DDR2: variants seen among roughly 807,000 people sequenced by gnomAD.
DDR2 encodes discoidin domain-containing receptor 2.
DDR2 carries 27 observed loss-of-function variants against 94.9 expected under a neutral mutation model. That is an observed-to-expected ratio of 0.28 (90% confidence interval 0.21 to 0.39). The LOEUF is 0.39. DDR2 is among the 10% of genes least tolerant of loss of function. The pLI is 1.00. For missense variants in DDR2, 783 were observed against 1,076.0 expected (o/e 0.73, Z 3.81); for synonymous variants, 382 against 377.2 (o/e 1.01, Z -0.15).
At chr1:162,720,085 T>C (rs1366307668) in intron 3 of DDR2, among the ~76,000 whole-genome samples, 1 of 151,992 alleles carries the variant, frequency 6.6e-6, no homozygotes, top group Non-Finnish European at 1.5e-5. Flanking sequence ...AGAGTCAGAG[T>C]GGGAGAGCAC....
chr1:162,670,112 T>G (rs1347791559), intron 2 of DDR2, among the ~76,000 whole-genome samples: 3 of 152,200 alleles, frequency 2.0e-5, no homozygotes, highest in Non-Finnish European at 4.4e-5. Flanking sequence ...ATTTGTTTTG[T>G]TTGTTTGTTT....
chr1:162,633,383 C>T (rs1656653560), intron 1 of DDR2, among the ~76,000 whole-genome samples: 1 of 152,152 alleles, frequency 6.6e-6, no homozygotes, highest in African/African-American at 2.4e-5. Context: ...CCATTTGAGG[C>T]AAGAGTTCGT....
intron 1 of DDR2, among the ~76,000 whole-genome samples, chr1:162,635,903 C>A (rs988077762): frequency 6.6e-6 from 1 of 152,122 alleles, no homozygotes; most frequent in Non-Finnish European, 1.5e-5. Flanking sequence ...CAATTTTATT[C>A]CATTTGATTT....
At chr1:162,658,392 G>A (rs1043968778) in intron 2 of DDR2, among the ~76,000 whole-genome samples, 1 of 152,136 alleles carries the variant, frequency 6.6e-6, no homozygotes, top group South Asian at 2.1e-4. Flanking sequence ...CATAAACCTC[G>A]ATGTCTGAAA....
rs1659711021 is a variant in DDR2, at chr1:162,686,790, C to T, written c.-28+31416C>T. On this transcript the variant is annotated intron_variant, in intron 2 of 17. Transcript: ENST00000367921. ...ATGGGGTTTTGCCATATTGGCCAGG[C>T]TGGTCTTGAACTCCTAACCTCAGGT... Among the ~76,000 whole-genome samples, 6 of 152,208 alleles carry T rather than the reference C, an allele frequency of 3.9e-5. No homozygotes were observed. The South Asian group carries it at 1.2e-3, about 31-fold the overall frequency.
At chr1:162,640,878 C>T (rs1657097919) in intron 1 of DDR2, among the ~76,000 whole-genome samples, 1 of 150,674 alleles carries the variant, frequency 6.6e-6, no homozygotes, top group African/African-American at 2.4e-5. Context: ...CCACCTCAGC[C>T]CCTCGACTAG....
At chr1:162,736,965 T>C (rs879409510) in intron 3 of DDR2, among the ~76,000 whole-genome samples, 1 of 152,238 alleles carries the variant, frequency 6.6e-6, no homozygotes, top group Non-Finnish European at 1.5e-5. Flanking sequence ...TGATTCCATG[T>C]CTTCACTATT....
At chr1:162,767,699 C>A (rs1054882328) in intron 11 of DDR2, among the ~76,000 whole-genome samples, 1 of 152,060 alleles carries the variant, frequency 6.6e-6, no homozygotes, top group African/African-American at 2.4e-5. Flanking sequence ...TTAACAAGTG[C>A]TTCTGATGCA....
chr1:162,653,045 C>T (rs1250763957), intron 1 of DDR2, among the ~76,000 whole-genome samples: 1 of 152,120 alleles, frequency 6.6e-6, no homozygotes, highest in Non-Finnish European at 1.5e-5. Flanking sequence ...GTGGAGGTTG[C>T]AGTGAGCCAT....
intron 1 of DDR2, among the ~76,000 whole-genome samples, chr1:162,648,372 C>T (rs1047114538): frequency 2.0e-5 from 3 of 152,074 alleles, no homozygotes; most frequent in African/African-American, 7.2e-5. Flanking sequence ...ACAGTGAGGA[C>T]AGGAGCCTAG....
chr1:162,754,178 A>G (rs372815174), intron 4 of DDR2, among the ~76,000 whole-genome samples: 4 of 152,012 alleles, frequency 2.6e-5, no homozygotes, highest in South Asian at 2.1e-4. Context: ...TGCAATGCCC[A>G]TCCTGCTGCA....
At chr1:162,763,490 C>T (rs947055872) in intron 9 of DDR2, among the ~76,000 whole-genome samples, 2 of 151,832 alleles carry the variant, frequency 1.3e-5, no homozygotes, top group Non-Finnish European at 2.9e-5. Flanking sequence ...TGAGCCACTG[C>T]ACCCAGCCTA....
chr1:162,730,338 A>G (rs1389607417), intron 3 of DDR2, among the ~76,000 whole-genome samples: 3 of 152,156 alleles, frequency 2.0e-5, no homozygotes, highest in African/African-American at 7.2e-5. Context: ...TGAGGCCTTC[A>G]TGCTTGTTCC....
At chr1:162,717,048 G>GTT (rs200748997) in intron 2 of DDR2, among the ~76,000 whole-genome samples, 11 of 144,860 alleles carry the variant, frequency 7.6e-5, no homozygotes, top group Admixed American at 2.1e-4. Context: ...TTCTAGAACA[G>GTT]TTTTTTTTTT....
intron 3 of DDR2, among the ~76,000 whole-genome samples, chr1:162,750,367 C>T (rs1449339794): frequency 6.6e-6 from 1 of 152,058 alleles, no homozygotes; most frequent in Non-Finnish European, 1.5e-5. Context: ...AACAGAGAGC[C>T]AAATCATGAG....
At chr1:162,667,393 C>T (rs559947894) in intron 2 of DDR2, among the ~76,000 whole-genome samples, 2 of 152,184 alleles carry the variant, frequency 1.3e-5, no homozygotes, top group African/African-American at 4.8e-5. Context: ...TAGACTATGG[C>T]AGACCCCGTG....
At chr1:162,743,047 C>T (rs1288014585) in intron 3 of DDR2, among the ~76,000 whole-genome samples, 1 of 152,166 alleles carries the variant, frequency 6.6e-6, no homozygotes, top group East Asian at 1.9e-4. Context: ...CACAGCCAAA[C>T]CATATCAGAT....
chr1:162,660,525 C>T (rs979181039), intron 2 of DDR2, among the ~76,000 whole-genome samples: 8 of 152,122 alleles, frequency 5.3e-5, no homozygotes, highest in Non-Finnish European at 8.8e-5. Flanking sequence ...ATTTGATTGG[C>T]CTTTGAGACT....
chr1:162,732,640 T>C (rs1662112360), intron 3 of DDR2, among the ~76,000 whole-genome samples: 1 of 152,262 alleles, frequency 6.6e-6, no homozygotes, highest in Non-Finnish European at 1.5e-5. Context: ...GTAGACTGGC[T>C]TGAGACCGCT....
Sources: gnomAD v4.1 joint callset for allele counts (sites outside exome capture counted in the v4.1 genomes callset) on GRCh38, gnomAD v4.1.1 for gene constraint, MANE v1.5 for transcripts, NCBI Gene and HGNC (gene_info 2026-07-23, HGNC 2026-07-21) for gene names.